CDK5RAP2: variants seen among roughly 807,000 people sequenced by gnomAD.
CDK5RAP2 encodes CDK5 regulatory subunit-associated protein 2.
CDK5RAP2 carries 147 observed loss-of-function variants against 232.9 expected under a neutral mutation model. The ratio of observed to expected loss-of-function variants is 0.63; its 90% CI spans 0.55 to 0.72. The LOEUF (loss-of-function observed/expected upper bound fraction) is 0.72, where lower values mean the gene tolerates loss of function less well. Ranked by LOEUF, CDK5RAP2 falls within the 30% of genes least tolerant of loss-of-function variation. The probability of loss-of-function intolerance (pLI) is 0.00; values close to 1 mark genes in which losing one functional copy is unlikely to be tolerated. For missense variants in CDK5RAP2, 2,195 were observed against 2,231.5 expected, an observed-to-expected ratio of 0.98 and a Z score of 0.33; for synonymous variants, 833 against 833.7, an observed-to-expected ratio of 1.00 and a Z score of 0.01.
In CDK5RAP2 at chr9:120,458,766, G is replaced by T. The variant is rs754288038; in HGVS notation, c.2203-144C>A. ...CAGAGAGAAACAGAAAAGAAAAGGGGGAGGAGAAGGAGGAAGAGAGAGAGA... is the reference window on the plus strand; with the variant it reads ...CAGAGAGAAACAGAAAAGAAAAGGGTGAGGAGAAGGAGGAAGAGAGAGAGA... On this transcript the variant is annotated intron_variant, in intron 19 of 37. Coordinates refer to ENST00000349780, the MANE Select transcript of CDK5RAP2 (RefSeq NM_018249.6). 7.0e-6 allele frequency: 5 copies of T among 714,984 alleles called. No homozygotes were observed. In the East Asian group the frequency reaches 1.3e-4, roughly 19 times the overall value. 44.3% of individuals were successfully genotyped at this position (714,984 alleles called of 1,614,324 possible).
At chr9:120,519,606 C>T (rs745879852) in intron 11 of CDK5RAP2, among the ~76,000 whole-genome samples, 1 of 152,246 alleles carries the variant, frequency 6.6e-6, no homozygotes, top group Non-Finnish European at 1.5e-5. Context: ...ACAAGGACAT[C>T]TGCCCAGCAA....
chr9:120,399,336 C>T (rs1356795294), intron 35 of CDK5RAP2, among the ~76,000 whole-genome samples: 3 of 152,058 alleles, frequency 2.0e-5, no homozygotes, highest in Non-Finnish European at 2.9e-5. Flanking sequence ...ATGTTAAAAT[C>T]ATATGAGGCA....
intron 3 of CDK5RAP2, 57 bp downstream of exon 3, chr9:120,568,264 T>C (rs1325956020): frequency 2.3e-6 from 3 of 1,332,088 alleles, no homozygotes; most frequent in Admixed American, 1.7e-5. Flanking sequence ...TGGGTCTGGC[T>C]GGACAGTGGC....
intron 27 of CDK5RAP2, among the ~76,000 whole-genome samples, chr9:120,415,697 A>C (rs546457749): frequency 1.6e-4 from 25 of 152,276 alleles, no homozygotes; most frequent in African/African-American, 6.0e-4. Flanking sequence ...TCTTATTAGC[A>C]TGAGTATAAA....
intron 5 of CDK5RAP2, among the ~76,000 whole-genome samples, chr9:120,542,514 G>C (rs1165548386): frequency 2.0e-5 from 3 of 148,666 alleles, no homozygotes; most frequent in Non-Finnish European, 4.5e-5. Context: ...AAAAAAAAGA[G>C]ATGGGTACAC....
chr9:120,502,306 C>T (rs577715604), intron 12 of CDK5RAP2, among the ~76,000 whole-genome samples: 47 of 152,296 alleles, frequency 3.1e-4, no homozygotes, highest in African/African-American at 9.1e-4. Context: ...AAAATGTTCA[C>T]GTATCATGCT....
At chr9:120,416,023 C>G (rs769652563) in intron 27 of CDK5RAP2, among the ~76,000 whole-genome samples, 5 of 152,022 alleles carry the variant, frequency 3.3e-5, no homozygotes, top group Non-Finnish European at 7.4e-5. Context: ...ATAATCACAA[C>G]TTATAGAAAA....
chr9:120,499,928 G>A (rs1295311167), intron 12 of CDK5RAP2, among the ~76,000 whole-genome samples: 1 of 152,078 alleles, frequency 6.6e-6, no homozygotes, highest in Non-Finnish European at 1.5e-5. Flanking sequence ...GGCCTACAAA[G>A]AGCATAGAGC....
intron 7 of CDK5RAP2, among the ~76,000 whole-genome samples, chr9:120,534,018 C>T (rs1054152574): frequency 2.0e-5 from 3 of 152,106 alleles, no homozygotes; most frequent in Non-Finnish European, 4.4e-5. Context: ...CAGTCTTCTA[C>T]CCAGCCCCAG....
intron 3 of CDK5RAP2, among the ~76,000 whole-genome samples, chr9:120,565,850 C>CTA (rs1564385072): frequency 6.6e-6 from 1 of 152,172 alleles, no homozygotes; most frequent in African/African-American, 2.4e-5. Context: ...CACTATTTTC[C>CTA]TATCCATCTT....
intron 27 of CDK5RAP2, 96 bp downstream of exon 27, chr9:120,419,692 A>T: frequency 1.1e-6 from 1 of 940,558 alleles, no homozygotes; most frequent in South Asian, 1.3e-5. Context: ...TCAGAGAAAT[A>T]CTCAAATGTC....
rs761418450 is a variant in CDK5RAP2 at position 120,460,683 on chromosome 9, A to G, written c.2107-16T>C. 2 of 1,614,004 alleles carry G rather than the reference A, an allele frequency of 1.2e-6. No individual in the cohort carries two copies. Among genetic ancestry groups the G allele is most frequent in the Admixed American group, 3.3e-5 (2 of 59,992 alleles). ...TAGCCAGAAGCTACATGGAGCATGG[A>G]ATGGTGTGAAAATGCAACCCAAAAA... On this transcript the variant is annotated splice_polypyrimidine_tract_variant and intron_variant, in intron 18 of 37. Coordinates refer to ENST00000349780, the MANE Select transcript of CDK5RAP2 (RefSeq NM_018249.6).
At chr9:120,457,388 A>G (rs759118312) in intron 20 of CDK5RAP2, among the ~76,000 whole-genome samples, 2 of 152,208 alleles carry the variant, frequency 1.3e-5, no homozygotes, top group Non-Finnish European at 2.9e-5. Context: ...AGTGTCTTTT[A>G]ACTCTGAAGT....
rs1189536985 is a variant in CDK5RAP2 at position 120,555,128 on chromosome 9, AT to A, written c.196-4227del. ...CGTACACACCTATTAGAATGGCTAAATTTTTTTGGGGGGGGGTGGGGGGCGG... is the reference window on the plus strand; with the variant it reads ...CGTACACACCTATTAGAATGGCTAAATTTTTTGGGGGGGGGTGGGGGGCGG... On this transcript the variant is annotated intron_variant, in intron 3 of 37. Transcript: ENST00000349780. Among the ~76,000 whole-genome samples, 6 of 72,778 alleles carry A rather than the reference AT, an allele frequency of 8.2e-5. 1 individual carries two copies. Among genetic ancestry groups the A allele is most frequent in the Admixed American group, 1.9e-4 (1 of 5,336 alleles). 47.7% of individuals were successfully genotyped at this position (72,778 alleles called of 152,430 possible). A position where few individuals can be genotyped will look rare whatever the true frequency, so the allele number is the denominator to read the frequency against.
At chr9:120,453,382 T>G in intron 21 of CDK5RAP2, 74 bp downstream of exon 21, 187 of 1,351,294 alleles carry the variant, frequency 1.4e-4, no homozygotes, top group Non-Finnish European at 1.8e-4. Flanking sequence ...AAAAAAGTGG[T>G]GAGATTAAAG....
intron 3 of CDK5RAP2, among the ~76,000 whole-genome samples, chr9:120,557,690 T>C (rs1238846408): frequency 8.6e-5 from 13 of 150,518 alleles, no homozygotes; most frequent in Admixed American, 4.6e-4. Context: ...GGCCAGGAGG[T>C]CGAAGCTACA....
chr9:120,511,384 A>G (rs1011778487), intron 12 of CDK5RAP2, among the ~76,000 whole-genome samples: 2 of 152,194 alleles, frequency 1.3e-5, no homozygotes. Flanking sequence ...TTGTCCAAGA[A>G]AAGAGAATAA....
intron 36 of CDK5RAP2, 101 bp from the exon 37 acceptor site, chr9:120,389,888 C>A (rs2031767709): frequency 1.9e-6 from 2 of 1,054,632 alleles, no homozygotes; most frequent in Admixed American, 1.8e-5. Flanking sequence ...CCAAAGGGCT[C>A]GGACATGTAG....
rs375308485 is a variant in CDK5RAP2 at position 120,443,627 on chromosome 9, G to A, written c.3141C>T (p.Tyr1047=). 15 of 1,614,086 alleles carry A rather than the reference G, an allele frequency of 9.3e-6. No homozygotes were observed. Among genetic ancestry groups the A allele is most frequent in the Admixed American group, 3.3e-5 (2 of 60,010 alleles). ...KEMDSDQQRS[Y]EIDSEICPPD... is the part of the protein sequence containing the mutation. ...CAGGGGCTGAATTCTGACCAATCTC[G>A]TAGCTTCTTTGCTGATCACTGTCCA... Residue 1047 remains tyrosine, a synonymous_variant, in exon 23 of 38, where the codon TAC becomes TAT. Coordinates refer to ENST00000349780, the MANE Select transcript of CDK5RAP2 (RefSeq NM_018249.6).
Sources: gnomAD v4.1 joint callset for allele counts (sites outside exome capture counted in the v4.1 genomes callset) on GRCh38, gnomAD v4.1.1 for gene constraint, MANE v1.5 for transcripts, NCBI Gene and HGNC (gene_info 2026-07-23, HGNC 2026-07-21) for gene names.